Variants in CTDP1 observed in about 807,000 individuals in gnomAD.
CTDP1 encodes the protein CTD phosphatase 1.
Under a neutral mutation model 91.8 loss-of-function variants are expected in CTDP1, and 47 were observed. The ratio of observed to expected loss-of-function variants is 0.51; its 90% CI spans 0.41 to 0.65. CTDP1 has a LOEUF of 0.65. CTDP1 is among the 30% of genes least tolerant of loss of function. The probability of loss-of-function intolerance (pLI) is 0.00; values close to 1 mark genes in which losing one functional copy is unlikely to be tolerated. For synonymous variants in CTDP1, 656 were observed against 598.5 expected, an observed-to-expected ratio of 1.10 and a Z score of -1.40; for missense variants, 1,272 against 1,373.7, an observed-to-expected ratio of 0.93 and a Z score of 1.17.
At chr18:79,712,827 GCTT>G (rs1467381777) in intron 6 of CTDP1, 142 bp from the exon 7 acceptor site, 14 of 776,920 alleles carry the variant, frequency 1.8e-5, no homozygotes, top group Non-Finnish European at 2.6e-5. Context: ...AACAGAAAGG[GCTT>G]CGGGGCGGTT....
At chr18:79,719,096 GC>G (rs1170944658) in intron 10 of CTDP1, among the ~76,000 whole-genome samples, 1 of 152,230 alleles carries the variant, frequency 6.6e-6, no homozygotes. Context: ...AGGTGAGAAG[GC>G]CCCGCCAGGC....
chr18:79,752,172 C>T (rs1207634104), intron 12 of CTDP1, among the ~76,000 whole-genome samples: 2 of 152,142 alleles, frequency 1.3e-5, no homozygotes, highest in Admixed American at 6.5e-5. Flanking sequence ...GCACCTGCAG[C>T]GGCTCCTAAG....
upstream of CTDP1, chr18:79,679,430 G>A (rs1387459881): frequency 2.2e-6 from 1 of 456,320 alleles, no homozygotes; most frequent in East Asian, 7.0e-5. Flanking sequence ...GGCTCGCGGT[G>A]CATGCCGGAA....
chr18:79,724,693 A>G (rs1053149132), intron 10 of CTDP1, among the ~76,000 whole-genome samples: 3 of 152,156 alleles, frequency 2.0e-5, no homozygotes, highest in Admixed American at 6.5e-5. Context: ...ACGAGATTCT[A>G]TTTATCACTT....
intron 11 of CTDP1, among the ~76,000 whole-genome samples, chr18:79,734,936 C>T (rs2086636335): frequency 6.6e-6 from 1 of 152,236 alleles, no homozygotes; most frequent in Non-Finnish European, 1.5e-5. Flanking sequence ...GATAAAGCCG[C>T]TGCCTTAGCT....
Position 79,698,536 on chromosome 18 carries a change from G to A in CTDP1, c.621+548G>A, listed in dbSNP as rs555866261. Reference sequence around the variant, plus strand: ...GTTTAATGCACACGAAACCCTTCCTGTGCCTCAGCTGTGTCCTCAGGATGG... The same window carrying A: ...GTTTAATGCACACGAAACCCTTCCTATGCCTCAGCTGTGTCCTCAGGATGG... On this transcript the variant is annotated intron_variant, in intron 4 of 12. Transcript: ENST00000613122. 2.6e-5 allele frequency among the ~76,000 whole-genome samples: 4 copies of A among 152,292 alleles called. No individual in the cohort carries two copies. In the East Asian group the frequency reaches 5.8e-4, roughly 22 times the overall value.
chr18:79,719,520 C>T (rs1398317862), intron 10 of CTDP1, among the ~76,000 whole-genome samples: 3 of 152,180 alleles, frequency 2.0e-5, no homozygotes, highest in Admixed American at 1.3e-4. Context: ...GATGATGTCA[C>T]CTCCCGTTGT....
At chr18:79,738,265 C>T (rs530210556) in intron 12 of CTDP1, among the ~76,000 whole-genome samples, 16 of 152,236 alleles carry the variant, frequency 1.1e-4, no homozygotes, top group Non-Finnish European at 1.9e-4. Context: ...GAGGTAACCT[C>T]GGAGGCTTTG....
At chr18:79,681,419 G>C (rs2085365456) in intron 1 of CTDP1, 1 of 976,712 alleles carries the variant, frequency 1.0e-6, no homozygotes, top group African/African-American at 1.8e-5. Context: ...CCCAATGCTG[G>C]TGTATTCCCT....
intron 1 of CTDP1, among the ~76,000 whole-genome samples, chr18:79,683,841 T>G (rs2085427192): frequency 6.6e-6 from 1 of 152,250 alleles, no homozygotes. Flanking sequence ...GAGGACAGCC[T>G]GTCTCTTGAG....
upstream of CTDP1, chr18:79,677,829 A>G (rs2085271968): frequency 1.3e-5 from 2 of 152,230 alleles, no homozygotes; most frequent in Non-Finnish European, 1.5e-5. Context: ...GTTCATGGGA[A>G]TTCTTCACCA....
At chr18:79,694,770 T>C (rs2085713130) in intron 1 of CTDP1, among the ~76,000 whole-genome samples, 1 of 152,230 alleles carries the variant, frequency 6.6e-6, no homozygotes, top group African/African-American at 2.4e-5. Context: ...TGTGTTTATA[T>C]AAAACGAACA....
At chr18:79,731,642 C>T (rs1322106562) in intron 11 of CTDP1, among the ~76,000 whole-genome samples, 2 of 152,252 alleles carry the variant, frequency 1.3e-5, no homozygotes, top group African/African-American at 4.8e-5. Context: ...ACGTCCAGAA[C>T]ATGCCTAAGC....
chr18:79,721,731 C>T (rs2086348570), intron 10 of CTDP1, among the ~76,000 whole-genome samples: 1 of 152,008 alleles, frequency 6.6e-6, no homozygotes, highest in Non-Finnish European at 1.5e-5. Context: ...TCATCCTGGG[C>T]CACAGGGTGA....
intron 5 of CTDP1, among the ~76,000 whole-genome samples, chr18:79,707,030 G>A (rs1477656035): frequency 6.6e-6 from 1 of 152,240 alleles, no homozygotes; most frequent in Admixed American, 6.5e-5. Flanking sequence ...CTTTAGGTTC[G>A]CTGTTTCACA....
In CTDP1 at chr18:79,753,690, G is replaced by A; in HGVS notation, c.2786G>A (p.Ser929Asn). The change falls in exon 13 of 13, where the codon AGC becomes AAC. Residue 929 changes from serine (S) to asparagine (N), a missense_variant. Physicochemically the swap from Ser to Asn is conservative, Grantham distance 46. Coordinates refer to ENST00000613122, the MANE Select transcript of CTDP1 (RefSeq NM_004715.5). ...KRKLNEEDAA[S>N]ESSRESSNED... is the part of the protein sequence containing the mutation. Reference sequence around the variant, plus strand: ...AAGCTGAATGAAGAGGACGCCGCCAGCGAGTCCAGCAGGGAGTCCAGCAAC... The same window carrying A: ...AAGCTGAATGAAGAGGACGCCGCCAACGAGTCCAGCAGGGAGTCCAGCAAC... 3 of 1,614,130 alleles carry A rather than the reference G, an allele frequency of 1.9e-6. No homozygotes were observed. The highest frequency in any genetic ancestry group is 2.2e-5 in the East Asian group (1 of 44,878).
At chr18:79,681,017 G>A (rs565672220) in intron 1 of CTDP1, 10 of 152,418 alleles carry the variant, frequency 6.6e-5, no homozygotes, top group African/African-American at 2.4e-4. Context: ...GGGAGAGGTG[G>A]ACACTCCAGC....
At chr18:79,681,514 A>G in intron 1 of CTDP1, 2 of 984,704 alleles carry the variant, frequency 2.0e-6, no homozygotes, top group South Asian at 4.7e-5. Context: ...TTTGGCCTAG[A>G]CAGGTGAGTA....
Position 79,744,245 on chromosome 18 carries a change from G to A in CTDP1, c.2747+7724G>A, listed in dbSNP as rs190017808. Reference sequence around the variant, plus strand: ...AATGTGTAAAACAGAGCCGTGCCCCGACCACCTCAGGCACATGTCAGGCCC... The same window carrying A: ...AATGTGTAAAACAGAGCCGTGCCCCAACCACCTCAGGCACATGTCAGGCCC... On this transcript the variant is annotated intron_variant, in intron 12 of 12. Coordinates refer to ENST00000613122, the MANE Select transcript of CTDP1 (RefSeq NM_004715.5). Among the ~76,000 whole-genome samples the A allele has an allele frequency of 1.8e-3, 269 of 152,162 alleles. 3 individuals are homozygous for A. Among genetic ancestry groups the A allele is most frequent in the African/African-American group, 3.3e-3 (136 of 41,516 alleles).
Sources: gnomAD v4.1 joint callset for allele counts (sites outside exome capture counted in the v4.1 genomes callset) on GRCh38, gnomAD v4.1.1 for gene constraint, MANE v1.5 for transcripts, NCBI Gene and HGNC (gene_info 2026-07-23, HGNC 2026-07-21) for gene names.